The following INTS6 variants were observed in gnomAD, a reference collection of about 807,000 sequenced individuals.
The protein encoded by INTS6 is DEAD box protein.
In INTS6, 16 loss-of-function variants were observed where a neutral mutation model predicts 104.9. That is an observed-to-expected ratio of 0.15 (90% CI 0.10 to 0.23). The LOEUF (loss-of-function observed/expected upper bound fraction) is 0.23, where lower values mean the gene tolerates loss of function less well. Ranked by LOEUF, INTS6 falls within the 10% of genes least tolerant of loss-of-function variation. The probability of loss-of-function intolerance (pLI) is 1.00; values close to 1 mark genes in which losing one functional copy is unlikely to be tolerated. For synonymous variants in INTS6, 324 were observed against 358.7 expected, an observed-to-expected ratio of 0.90 and a Z score of 1.09; for missense variants, 584 against 1,062.8, an observed-to-expected ratio of 0.55 and a Z score of 6.26.
At chr13:51,336,711 G>A in the INTS6 span, among the ~76,000 whole-genome samples, 22 of 152,138 alleles carry the variant, frequency 1.4e-4, no homozygotes, top group Non-Finnish European at 3.1e-4. Context: ...AAGGCTGTTT[G>A]CTGTCATCTT....
intron 5 of INTS6, 47 bp from the exon 6 acceptor site, chr13:51,389,491 CTAGT>C: frequency 6.7e-7 from 1 of 1,498,648 alleles, no homozygotes; most frequent in Non-Finnish European, 8.9e-7. Context: ...ATATAGTAAA[CTAGT>C]TAGTTGCAAG....
the INTS6 span, among the ~76,000 whole-genome samples, chr13:51,335,443 T>C: frequency 1.3e-5 from 2 of 152,200 alleles, no homozygotes; most frequent in Non-Finnish European, 2.9e-5. Context: ...CAGAATGAGA[T>C]ACGACTTTGC....
chr13:51,409,343 C>CT (rs1237089133), intron 4 of INTS6, among the ~76,000 whole-genome samples: 2 of 148,870 alleles, frequency 1.3e-5, no homozygotes, highest in East Asian at 3.9e-4. Context: ...ACTAAAGACT[C>CT]TGAGTATTTC....
At chr13:51,383,057 G>A (rs974336080) in intron 9 of INTS6, among the ~76,000 whole-genome samples, 5 of 151,944 alleles carry the variant, frequency 3.3e-5, no homozygotes, top group Admixed American at 2.0e-4. Flanking sequence ...CTCCAGCCTG[G>A]GTGACAGAGC....
At chr13:51,377,921 T>C (rs1003786383) in intron 12 of INTS6, among the ~76,000 whole-genome samples, 3 of 152,122 alleles carry the variant, frequency 2.0e-5, no homozygotes, top group Admixed American at 2.0e-4. Context: ...GTGGGTCTAA[T>C]AGGGTCATCA....
chr13:51,393,667 CCTAAT>C (rs1956285049), intron 5 of INTS6, among the ~76,000 whole-genome samples: 1 of 152,132 alleles, frequency 6.6e-6, no homozygotes, highest in African/African-American at 2.4e-5. Context: ...GGGAAGACTT[CCTAAT>C]TTCTTGACTA....
the INTS6 span, among the ~76,000 whole-genome samples, chr13:51,336,379 C>T: frequency 9.9e-5 from 15 of 152,108 alleles, no homozygotes; most frequent in Admixed American, 2.6e-4. Flanking sequence ...CCCAGCTACT[C>T]GCGAGGCTGA....
chr13:51,450,096 A>G, intron 3 of INTS6: 4 of 985,412 alleles, frequency 4.1e-6, no homozygotes, highest in Non-Finnish European at 4.8e-6. Flanking sequence ...CGAAACTCAC[A>G]AAACTAGGGA....
intron 4 of INTS6, among the ~76,000 whole-genome samples, chr13:51,418,599 T>C (rs1280681607): frequency 6.6e-6 from 1 of 152,200 alleles, no homozygotes; most frequent in Non-Finnish European, 1.5e-5. Flanking sequence ...TTCCTATTGT[T>C]ACACTCCACA....
At chr13:51,370,859 C>G (rs926827349) in intron 15 of INTS6, among the ~76,000 whole-genome samples, 1 of 152,142 alleles carries the variant, frequency 6.6e-6, no homozygotes, top group Admixed American at 6.5e-5. Context: ...ACAGATGTTC[C>G]TTATAGATAG....
At position 51,378,375 on chromosome 13, in the gene INTS6, C is replaced by T. The variant is rs373162022; in HGVS notation, c.1466G>A (p.Arg489Gln). The T allele has an allele frequency of 1.1e-5, 18 of 1,613,218 alleles. No homozygotes were observed. The Middle Eastern group carries it at 4.9e-4, about 44-fold the overall frequency. The change falls in exon 12 of 18, where the codon CGA (arginine) becomes CAA (glutamine). Residue 489 changes from arginine to glutamine, a missense_variant. By Grantham distance (43) the Arg-to-Gln change is conservative (BLOSUM62 1). Transcript: ENST00000311234. Reference protein sequence around the residue: ...VQETGIKVRSRSHGLSMAYRK... With the variant: ...VQETGIKVRSQSHGLSMAYRK... ...ATATGCCATTGATAAACCATGTGAT[C>T]GGCTCCGGACTTTTATTCCAGTCTC...
At chr13:51,445,560 T>TTAAA in intron 3 of INTS6, 1 of 152,218 alleles carries the variant, frequency 6.6e-6, no homozygotes, top group Non-Finnish European at 1.5e-5. Flanking sequence ...CAATTCTATA[T>TTAAA]TAAAGGTACA....
intron 15 of INTS6, among the ~76,000 whole-genome samples, chr13:51,370,759 C>A (rs1175208529): frequency 6.6e-6 from 1 of 152,150 alleles, no homozygotes; most frequent in African/African-American, 2.4e-5. Context: ...TTCCCCCTAA[C>A]AACCTCCACC....
chr13:51,342,178 CAAAAAAAAAA>C, the INTS6 span, among the ~76,000 whole-genome samples: 8 of 63,582 alleles, frequency 1.3e-4, no homozygotes, highest in Admixed American at 1.6e-4. Context: ...AAAGACAGAA[CAAAAAAAAAA>C]AAAAAAAAAA....
chr13:51,383,585 T>G lies in INTS6; in HGVS notation c.1047+4A>C, dbSNP rs1370857051. 6.2e-7 allele frequency: 1 copy of G among 1,612,918 alleles called. No individual in the cohort carries two copies. Among genetic ancestry groups the G allele is most frequent in the East Asian group, 2.2e-5 (1 of 44,864 alleles). On this transcript the variant is annotated splice_donor_region_variant and intron_variant, in intron 8 of 17. Coordinates refer to ENST00000311234, the MANE Select transcript of INTS6 (RefSeq NM_012141.3). ...TTGGGGTCACTGTAAGTTGTTCAGC[T>G]TACCTGCCAACATGTTTGAGGAGAT...
intron 4 of INTS6, among the ~76,000 whole-genome samples, chr13:51,405,932 T>C (rs1473750822): frequency 1.3e-5 from 2 of 152,208 alleles, no homozygotes; most frequent in East Asian, 1.9e-4. Context: ...AGATCTCTCC[T>C]TGAGTCATTA....
the INTS6 span, chr13:51,344,133 A>G: frequency 1.1e-5 from 8 of 726,854 alleles, no homozygotes; most frequent in Non-Finnish European, 1.9e-5. Flanking sequence ...TGGTAGATGA[A>G]CCTTATGAGC....
chr13:51,373,756 A>G (rs564297743), intron 15 of INTS6, among the ~76,000 whole-genome samples: 1 of 152,312 alleles, frequency 6.6e-6, no homozygotes, highest in South Asian at 2.1e-4. Flanking sequence ...TTTTCGTAAC[A>G]TTCAACATAC....
Position 51,416,752 on chromosome 13 carries a change from G to A in INTS6, c.429+13542C>T, listed in dbSNP as rs2138053856. ...GTATATACCCCAGAATAGAATTATT[G>A]GAGTTAGCATAAGGTAACTCTATGT... On this transcript the variant is annotated intron_variant, in intron 4 of 17. Coordinates refer to ENST00000311234, the MANE Select transcript of INTS6 (RefSeq NM_012141.3). Among the ~76,000 whole-genome samples, 4 of 152,244 alleles carry A rather than the reference G, an allele frequency of 2.6e-5. No individual in the cohort carries two copies. The East Asian group carries it at 7.7e-4, about 29-fold the overall frequency.
Sources: allele counts gnomAD v4.1 joint callset (sites outside exome capture counted in the v4.1 genomes callset), GRCh38; gene constraint gnomAD v4.1.1; transcripts MANE v1.5; gene names NCBI Gene and HGNC (gene_info 2026-07-23, HGNC 2026-07-21).